PPP2R2B: variants seen among roughly 807,000 people sequenced by gnomAD.
PPP2R2B encodes serine/threonine-protein phosphatase 2A 55 kDa regulatory subunit B beta isoform.
In PPP2R2B, 5 loss-of-function variants were observed where a neutral mutation model predicts 46.0. The observed-to-expected ratio is 0.11, with a 90% CI of 0.06 to 0.23. The LOEUF is 0.23. Ranked by LOEUF, PPP2R2B falls within the 10% of genes least tolerant of loss-of-function variation. The pLI, the probability that PPP2R2B is intolerant of heterozygous loss-of-function variation, is 1.00. For missense variants in PPP2R2B, 367 were observed against 575.0 expected, an observed-to-expected ratio of 0.64 and a Z score of 3.70; for synonymous variants, 215 against 206.7, an observed-to-expected ratio of 1.04 and a Z score of -0.34.
At chr5:146,757,630 C>T (rs1283505023) in intron 2 of PPP2R2B, among the ~76,000 whole-genome samples, 1 of 152,104 alleles carries the variant, frequency 6.6e-6, no homozygotes, top group African/African-American at 2.4e-5. Context: ...TAGGGGTCTT[C>T]CCTGGAGTGT....
At chr5:146,672,748 T>C (rs1177992905) in intron 5 of PPP2R2B, among the ~76,000 whole-genome samples, 3 of 152,236 alleles carry the variant, frequency 2.0e-5, no homozygotes, top group Non-Finnish European at 4.4e-5. Flanking sequence ...AGTATTCATT[T>C]AACACTTTCT....
At position 146,618,784 on chromosome 5, in the gene PPP2R2B, T is replaced by A. The variant is rs529269419; in HGVS notation, c.791-18324A>T. On this transcript the variant is annotated intron_variant, in intron 7 of 9. Transcript: ENST00000394411. ...TCCTGATGCTGGTGCTGTACACCCATAAGCCGACACAGTTCAGAGAAACCA... is the reference window on the plus strand; with the variant it reads ...TCCTGATGCTGGTGCTGTACACCCAAAAGCCGACACAGTTCAGAGAAACCA... Among the ~76,000 whole-genome samples, 65 of 152,228 alleles carry A rather than the reference T, an allele frequency of 4.3e-4. 2 individuals carry two copies. The South Asian group carries it at 0.011, about 25-fold the overall frequency.
intron 2 of PPP2R2B, among the ~76,000 whole-genome samples, chr5:146,875,960 G>A (rs1057508704): frequency 2.0e-5 from 3 of 152,256 alleles, no homozygotes; most frequent in Non-Finnish European, 4.4e-5. Context: ...GGAACTTCTT[G>A]TTCTATCCAA....
At chr5:146,664,510 A>G (rs1776857340) in intron 5 of PPP2R2B, among the ~76,000 whole-genome samples, 1 of 151,440 alleles carries the variant, frequency 6.6e-6, no homozygotes, top group African/African-American at 2.4e-5. Context: ...CTCCATTTTT[A>G]GTTCTAGTTT....
intron 2 of PPP2R2B, among the ~76,000 whole-genome samples, chr5:146,718,754 A>C (rs552205477): frequency 7.2e-5 from 11 of 152,326 alleles, no homozygotes; most frequent in African/African-American, 2.4e-4. Flanking sequence ...ATATGCCAAG[A>C]AGTCTGACCC....
At chr5:146,599,863 T>C (rs978436394) in intron 8 of PPP2R2B, among the ~76,000 whole-genome samples, 2 of 152,146 alleles carry the variant, frequency 1.3e-5, no homozygotes, top group Non-Finnish European at 2.9e-5. Flanking sequence ...GTGAACACAC[T>C]ATTTTAAGAG....
rs74707628 is a variant in PPP2R2B, at chr5:146,688,978, C to T, written c.447+2150G>A. 3.8e-4 allele frequency among the ~76,000 whole-genome samples: 58 copies of T among 152,104 alleles called. No individual in the cohort carries two copies. The East Asian group carries it at 7.9e-3, about 21-fold the overall frequency. On this transcript the variant is annotated intron_variant, in intron 5 of 9. Coordinates refer to ENST00000394411, the MANE Select transcript of PPP2R2B (RefSeq NM_181675.4). ...TCTTATTCCCAATATATTGCCAGTA[C>T]GGTGTTTGCCACTTAGTAAATCTCA... is the stretch of plus-strand genomic sequence containing the variant.
intron 1 of PPP2R2B, among the ~76,000 whole-genome samples, chr5:146,935,377 G>A (rs1359891093): frequency 6.6e-6 from 1 of 152,146 alleles, no homozygotes; most frequent in Non-Finnish European, 1.5e-5. Context: ...CCAGCTTCCA[G>A]AACTAGGGGA....
At chr5:146,910,204 G>A (rs986310235) in intron 1 of PPP2R2B, among the ~76,000 whole-genome samples, 5 of 151,972 alleles carry the variant, frequency 3.3e-5, no homozygotes, top group African/African-American at 9.7e-5. Context: ...CATTTTTCAC[G>A]AGCCTAATAA....
chr5:146,640,813 C>T (rs1468400269), intron 6 of PPP2R2B, among the ~76,000 whole-genome samples: 1 of 152,194 alleles, frequency 6.6e-6, no homozygotes. Flanking sequence ...CCAGGCACAT[C>T]CTCCACCATC....
chr5:146,802,113 T>C (rs954088452), intron 2 of PPP2R2B, among the ~76,000 whole-genome samples: 2 of 152,214 alleles, frequency 1.3e-5, no homozygotes, highest in African/African-American at 4.8e-5. Flanking sequence ...ACCCAATGGT[T>C]CTTGGAGCTT....
At chr5:146,822,539 T>G (rs1264462561) in intron 2 of PPP2R2B, among the ~76,000 whole-genome samples, 5 of 151,564 alleles carry the variant, frequency 3.3e-5, no homozygotes, top group Admixed American at 2.6e-4. Context: ...TTTTTGGTTT[T>G]TTTTTTTTTT....
chr5:146,643,726 T>C (rs1775384230), intron 6 of PPP2R2B, among the ~76,000 whole-genome samples: 2 of 152,322 alleles, frequency 1.3e-5, no homozygotes, highest in South Asian at 2.1e-4. Flanking sequence ...CACCTGTTCC[T>C]TAAAACCTGT....
chr5:146,616,023 C>T (rs1023491781), intron 7 of PPP2R2B, among the ~76,000 whole-genome samples: 6 of 152,158 alleles, frequency 3.9e-5, no homozygotes, highest in Non-Finnish European at 5.9e-5. Context: ...CAGCATGGTA[C>T]TGGCATAAAA....
rs150627852 is a variant in PPP2R2B at position 146,781,940 on chromosome 5, G to A, written c.71-80798C>T. Among the ~76,000 whole-genome samples, 171 of 152,306 alleles carry A rather than the reference G, an allele frequency of 1.1e-3. 1 individual carries two copies. Among genetic ancestry groups the A allele is most frequent in the African/African-American group, 3.7e-3 (152 of 41,562 alleles). On this transcript the variant is annotated intron_variant, in intron 2 of 9. Coordinates refer to ENST00000394411, the MANE Select transcript of PPP2R2B (RefSeq NM_181675.4). ...AAGTTGGAGGTGGGGCCTGGTGAGA[G>A]GTGATAGGATCATGGGGGCAGTTTC...
intron 2 of PPP2R2B, among the ~76,000 whole-genome samples, chr5:146,733,458 T>C (rs1752351171): frequency 6.6e-6 from 1 of 152,214 alleles, no homozygotes; most frequent in Non-Finnish European, 1.5e-5. Flanking sequence ...ATTATAAATA[T>C]TCTAAATGAG....
chr5:146,933,148 T>C (rs917823610), intron 1 of PPP2R2B, among the ~76,000 whole-genome samples: 1 of 152,206 alleles, frequency 6.6e-6, no homozygotes, highest in African/African-American at 2.4e-5. Flanking sequence ...ATCCTTTGCT[T>C]CAGCAGCTGA....
chr5:146,632,059 G>A (rs1774457687), intron 7 of PPP2R2B, among the ~76,000 whole-genome samples: 1 of 126,364 alleles, frequency 7.9e-6, no homozygotes, highest in Non-Finnish European at 1.7e-5. Context: ...GGGCTGAGTT[G>A]TGCCCCCCCC....
At position 146,706,693 on chromosome 5, in the gene PPP2R2B, G is replaced by A. The variant is rs1475158710; in HGVS notation, c.71-5551C>T. 1.1e-5 allele frequency: 10 copies of A among 872,270 alleles called. No individual in the cohort carries two copies. In the East Asian group the frequency reaches 1.8e-4, roughly 16 times the overall value. 54.0% of individuals were successfully genotyped at this position (872,270 alleles called of 1,614,324 possible). On this transcript the variant is annotated intron_variant, in intron 2 of 9. Coordinates refer to ENST00000394411, the MANE Select transcript of PPP2R2B (RefSeq NM_181675.4). ...TCAGCCTGGAGCCAGCTGATGTTCCGGTTCATCTCAGAGATCTCAGTCTTT... is the reference window on the plus strand; with the variant it reads ...TCAGCCTGGAGCCAGCTGATGTTCCAGTTCATCTCAGAGATCTCAGTCTTT...
Sources: gnomAD v4.1 joint callset for allele counts (sites outside exome capture counted in the v4.1 genomes callset) on GRCh38, gnomAD v4.1.1 for gene constraint, MANE v1.5 for transcripts, NCBI Gene and HGNC (gene_info 2026-07-23, HGNC 2026-07-21) for gene names.